MAP4K4: variants seen among roughly 807,000 people sequenced by gnomAD.
The protein encoded by MAP4K4 is HPK/GCK-like kinase HGK.
MAP4K4 carries 38 observed loss-of-function variants against 189.6 expected under a neutral mutation model. That is an observed-to-expected ratio of 0.20 (90% CI 0.15 to 0.26). The LOEUF (loss-of-function observed/expected upper bound fraction) is 0.26. MAP4K4 is among the 10% of genes least tolerant of loss of function. The pLI is 1.00. For missense variants in MAP4K4, 1,054 were observed against 1,726.9 expected (o/e 0.61, Z 6.91); for synonymous variants, 610 against 624.3 (o/e 0.98, Z 0.34).
At chr2:101,791,468 C>A (rs1171832882) in intron 3 of MAP4K4, among the ~76,000 whole-genome samples, 1 of 151,870 alleles carries the variant, frequency 6.6e-6, no homozygotes, top group South Asian at 2.1e-4. Flanking sequence ...GAACTAAATC[C>A]ATTTCATTTT....
At chr2:101,861,902 A>G (rs2097667919) in intron 16 of MAP4K4, 1 of 151,262 alleles carries the variant, frequency 6.6e-6, no homozygotes, top group African/African-American at 2.4e-5. Flanking sequence ...TTCTTGTGGC[A>G]GGAAACTGTG....
chr2:101,829,546 A>G, exon 6 of MAP4K4: 1 of 1,612,218 alleles, frequency 6.2e-7, no homozygotes. Context: ...TCACCGGGAT[A>G]TCAAGGGCCA....
chr2:101,755,929 C>CTTTT (rs57392183), intron 2 of MAP4K4, among the ~76,000 whole-genome samples: 14 of 57,792 alleles, frequency 2.4e-4, no homozygotes, highest in African/African-American at 5.1e-4. Context: ...AGTTCTTTTT[C>CTTTT]TTTTTTTTTT....
At position 101,866,509 on chromosome 2, in the gene MAP4K4, C is replaced by A; in HGVS notation, c.2286C>A (p.Ser762Arg). The change falls in exon 19 of 33, where the codon AGC becomes AGA. Residue 762 changes from serine (S) to arginine (R), a missense_variant. Physicochemically the swap from Ser to Arg is moderately radical, Grantham distance 110 (BLOSUM62 -1). Coordinates refer to ENST00000324219, the Ensembl canonical transcript of MAP4K4. ...GCAGTGGCAGCTCCTCAGGGTCCAGCAACTCAGGATCCCAGCCCGGGTCTC... is the reference window on the plus strand; with the variant it reads ...GCAGTGGCAGCTCCTCAGGGTCCAGAAACTCAGGATCCCAGCCCGGGTCTC... 6.2e-7 allele frequency: 1 copy of A among 1,613,800 alleles called. No individual in the cohort carries two copies. Among genetic ancestry groups the A allele is most frequent in the Non-Finnish European group, 8.5e-7 (1 of 1,179,836 alleles).
intron 10 of MAP4K4, 84 bp downstream of exon 10, chr2:101,840,078 C>A: frequency 7.5e-7 from 1 of 1,330,210 alleles, no homozygotes; most frequent in Non-Finnish European, 1.0e-6. Flanking sequence ...CCCTTCCCAG[C>A]TGTGAGAGTG....
intron 26 of MAP4K4, among the ~76,000 whole-genome samples, chr2:101,876,002 G>A (rs181666956): frequency 3.9e-5 from 6 of 152,274 alleles, no homozygotes; most frequent in East Asian, 3.9e-4. Context: ...GTCTCTATCC[G>A]TCACTTAAAA....
intron 3 of MAP4K4, among the ~76,000 whole-genome samples, chr2:101,822,741 G>A (rs1468318394): frequency 6.6e-6 from 1 of 152,118 alleles, no homozygotes; most frequent in Non-Finnish European, 1.5e-5. Context: ...GCTACTCAGA[G>A]CCCCTACTCT....
intron 2 of MAP4K4, among the ~76,000 whole-genome samples, chr2:101,730,910 G>A (rs79691875): frequency 1.3e-5 from 2 of 151,320 alleles, no homozygotes; most frequent in Non-Finnish European, 2.9e-5. Flanking sequence ...AGCCGGGCAC[G>A]ATGGCGGGCA....
chr2:101,795,825 A>G (rs1434909684), intron 3 of MAP4K4, among the ~76,000 whole-genome samples: 1 of 152,104 alleles, frequency 6.6e-6, no homozygotes, highest in African/African-American at 2.4e-5. Flanking sequence ...TTTCTCTTAT[A>G]CTGAAAATAT....
chr2:101,760,193 C>G (rs1241409143), intron 2 of MAP4K4, among the ~76,000 whole-genome samples: 1 of 151,554 alleles, frequency 6.6e-6, no homozygotes, highest in Non-Finnish European at 1.5e-5. Context: ...TTTTAAGTTT[C>G]CAAAATATTT....
chr2:101,886,212 G>A (rs1046628515), intron 29 of MAP4K4, among the ~76,000 whole-genome samples: 4 of 152,066 alleles, frequency 2.6e-5, no homozygotes, highest in Non-Finnish European at 5.9e-5. Flanking sequence ...ACCAGGTACC[G>A]TACTAGTTGG....
chr2:101,798,607 A>G (rs562334356), intron 3 of MAP4K4, among the ~76,000 whole-genome samples: 3 of 152,210 alleles, frequency 2.0e-5, no homozygotes, highest in Admixed American at 6.5e-5. Flanking sequence ...CACATCTCCC[A>G]GTTCACTACA....
chr2:101,873,740 A>G lies in MAP4K4; in HGVS notation c.3046A>G (p.Ser1016Gly), dbSNP rs373924830. ...CAGATTACTACAGATTTCTCCATCTAGCGGAACAACAGTGACATCTGTGGG... is the reference window on the plus strand; with the variant it reads ...CAGATTACTACAGATTTCTCCATCTGGCGGAACAACAGTGACATCTGTGGG... The change falls in exon 25 of 33, where the codon AGC becomes GGC. Residue 1016 changes from serine to glycine, a missense_variant. By Grantham distance (56) the Ser-to-Gly change is moderately conservative. Transcript: ENST00000324219. The G allele has an allele frequency of 2.5e-6, 4 of 1,609,286 alleles. No homozygotes were observed. In the African/African-American group the frequency reaches 4.0e-5, roughly 16 times the overall value.
At chr2:101,830,255 C>CA (rs1355676206) in intron 6 of MAP4K4, among the ~76,000 whole-genome samples, 1 of 152,110 alleles carries the variant, frequency 6.6e-6, no homozygotes. Flanking sequence ...GGGAATGCAG[C>CA]AAATAGTGTA....
At chr2:101,806,961 G>A (rs1355572284) in intron 3 of MAP4K4, among the ~76,000 whole-genome samples, 1 of 152,114 alleles carries the variant, frequency 6.6e-6, no homozygotes, top group African/African-American at 2.4e-5. Context: ...TGGCCCTGGC[G>A]ATTCTGTGTG....
intron 3 of MAP4K4, among the ~76,000 whole-genome samples, chr2:101,821,630 G>A (rs1409557298): frequency 6.6e-6 from 1 of 152,206 alleles, no homozygotes. Context: ...ATCAGTGAGT[G>A]AGTGGTGAGT....
chr2:101,754,878 T>A (rs1381931967), intron 2 of MAP4K4, among the ~76,000 whole-genome samples: 1 of 152,076 alleles, frequency 6.6e-6, no homozygotes, highest in Non-Finnish European at 1.5e-5. Context: ...AGTGTGAAGA[T>A]GAGGGGAAGG....
At chr2:101,825,263 G>C (rs2096294957) in intron 4 of MAP4K4, 56 bp from the exon 5 acceptor site, 1 of 1,125,922 alleles carries the variant, frequency 8.9e-7, no homozygotes, top group East Asian at 2.5e-5. Flanking sequence ...GGTTAAACTG[G>C]TTTTCCCAAT....
At position 101,806,701 on chromosome 2, in the gene MAP4K4, C is replaced by T. The variant is rs548115729; in HGVS notation, c.180+15925C>T. Among the ~76,000 whole-genome samples, 19 of 152,224 alleles carry T rather than the reference C, an allele frequency of 1.2e-4. 1 individual carries two copies. The South Asian group carries it at 2.5e-3, about 20-fold the overall frequency. On this transcript the variant is annotated intron_variant, in intron 3 of 32. Transcript: ENST00000324219. The stretch of plus-strand genomic sequence containing the variant: ...CCTCAGCTGTTTCACTTTTAATGTG[C>T]CCGGTGAACTCACTTTTGTTCACTC...
Sources: gnomAD v4.1 joint callset for allele counts (sites outside exome capture counted in the v4.1 genomes callset) on GRCh38, gnomAD v4.1.1 for gene constraint, MANE v1.5 for transcripts, NCBI Gene and HGNC (gene_info 2026-07-23, HGNC 2026-07-21) for gene names.